The following NSD1 variants were observed in gnomAD, a reference collection of about 807,000 sequenced individuals.
NSD1 encodes histone-lysine N-methyltransferase, H3 lysine-36 specific.
A neutral mutation model predicts 242.7 loss-of-function variants in NSD1; 26 were observed. That is an observed-to-expected ratio of 0.11 (90% CI 0.08 to 0.15). The LOEUF is 0.15. NSD1 is among the 10% of genes least tolerant of loss of function. The pLI is 1.00. For missense variants in NSD1, 2,495 were observed against 3,272.8 expected (o/e 0.76, Z 5.80); for synonymous variants, 1,106 against 1,178.1 (o/e 0.94, Z 1.25).
At chr5:177,160,469 T>G (rs1277009049) in intron 2 of NSD1, among the ~76,000 whole-genome samples, 1 of 151,266 alleles carries the variant, frequency 6.6e-6, no homozygotes, top group Non-Finnish European at 1.5e-5. Flanking sequence ...CCCGGCTGAT[T>G]TTTTTGTATT....
Position 177,265,882 on chromosome 5 carries a change from C to T in NSD1, c.5147-1680C>T, listed in dbSNP as rs920871405. Reference sequence around the variant, plus strand: ...CATTCTGCTTCACTTGCAGGCAGAACGGGGAGGTGAAGGTCAGGTCTTCCA... The same window carrying T: ...CATTCTGCTTCACTTGCAGGCAGAATGGGGAGGTGAAGGTCAGGTCTTCCA... On this transcript the variant is annotated intron_variant, in intron 14 of 22. Coordinates refer to ENST00000439151, the MANE Select transcript of NSD1 (RefSeq NM_022455.5). 3.0e-5 allele frequency: 45 copies of T among 1,476,186 alleles called. 1 individual carries two copies. The South Asian group carries it at 4.3e-4, about 14-fold the overall frequency. 91.4% of individuals were successfully genotyped at this position (1,476,186 alleles called of 1,614,324 possible).
intron 12 of NSD1, among the ~76,000 whole-genome samples, chr5:177,255,780 T>G (rs1756388800): frequency 6.6e-6 from 1 of 152,108 alleles, no homozygotes; most frequent in African/African-American, 2.4e-5. Context: ...AGACGGTGTC[T>G]CACTATGTTC....
rs755079496 is a variant in NSD1 at position 177,238,546 on chromosome 5, G to T, written c.4192+39G>T. 1.0e-5 allele frequency: 16 copies of T among 1,604,062 alleles called. No individual in the cohort carries two copies. The South Asian group carries it at 1.8e-4, about 18-fold the overall frequency. ...GGGGTCTCAGTATTTGAGCAGATAT[G>T]ATTAGAGGAAGCAGGAGATTTTAGT... On this transcript the variant is annotated intron_variant, in intron 7 of 22. Transcript: ENST00000439151. This position sits in a 1 kb window ranked among gnomAD's most constrained non-coding sequence, Gnocchi z 4.6.
chr5:177,196,876 A>G (rs1762137813), intron 3 of NSD1, among the ~76,000 whole-genome samples: 1 of 152,228 alleles, frequency 6.6e-6, no homozygotes, highest in Non-Finnish European at 1.5e-5. Flanking sequence ...GATATGTTCT[A>G]AGATTCTCAG....
chr5:177,215,273 G>T (rs1011969259), intron 5 of NSD1, among the ~76,000 whole-genome samples: 4 of 150,886 alleles, frequency 2.7e-5, no homozygotes, highest in African/African-American at 9.8e-5. Context: ...TCTGCCTCCT[G>T]GGCTCAAGCA....
At chr5:177,159,750 G>A (rs1039532384) in intron 2 of NSD1, among the ~76,000 whole-genome samples, 2 of 151,486 alleles carry the variant, frequency 1.3e-5, no homozygotes, top group African/African-American at 4.9e-5. Flanking sequence ...ATACCACCAC[G>A]CCTGGCTAAT....
In NSD1 at chr5:177,238,466, G is replaced by A. The variant is rs373227291; in HGVS notation, c.4151G>A (p.Arg1384Gln). 6.8e-6 allele frequency: 11 copies of A among 1,614,042 alleles called. No homozygotes were observed. Among genetic ancestry groups the A allele is most frequent in the South Asian group, 4.4e-5 (4 of 91,074 alleles). The change falls in exon 7 of 23, where the codon CGG (arginine) becomes CAG (glutamine). Residue 1384 changes from arginine to glutamine, a missense_variant. Around this residue, in one of 19 missense-constraint regions of NSD1, gnomAD observed 100 missense variants for 190.7 expected, o/e 0.52. Transcript: ENST00000439151. The surrounding 1 kb of genome is among the most constrained non-coding windows in gnomAD (Gnocchi z 4.6). ...SVPVAPEVSP[R>Q]PALESEELLV... ...CCTGTGGCTCCGGAAGTCTCTCCAC[G>A]GCCTGCCCTTGAGTCTGAGGAATTG...
intron 15 of NSD1, 74 bp downstream of exon 15, chr5:177,267,792 C>A: frequency 7.0e-7 from 1 of 1,423,786 alleles, no homozygotes; most frequent in Non-Finnish European, 9.9e-7. Flanking sequence ...CAATGCTTAA[C>A]GTATTTCTAA....
chr5:177,187,412 T>TA (rs1037513548), intron 2 of NSD1, among the ~76,000 whole-genome samples: 16 of 152,172 alleles, frequency 1.1e-4, no homozygotes, highest in African/African-American at 3.9e-4. Flanking sequence ...GCCTGTGACT[T>TA]AACCTTTTTG....
chr5:177,286,497 C>T (rs78090315), intron 20 of NSD1, among the ~76,000 whole-genome samples: 2,784 of 152,244 alleles, frequency 0.018, 33 homozygotes, highest in Non-Finnish European at 0.028. Flanking sequence ...ATAAATGATA[C>T]GGAATACCAG....
rs376906695 is a variant in NSD1, at chr5:177,260,185, T to C, written c.5146+17T>C. 1 of 1,612,078 alleles carries C rather than the reference T, an allele frequency of 6.2e-7. No homozygotes were observed. The highest frequency in any genetic ancestry group is 2.2e-5 in the East Asian group (1 of 44,872). Reference sequence around the variant, plus strand: ...GCTCAGAAGGTAAGAAATCATTTCTTCCTCTATTTGTAGTCTAAAAAGGGA... The same window carrying C: ...GCTCAGAAGGTAAGAAATCATTTCTCCCTCTATTTGTAGTCTAAAAAGGGA... On this transcript the variant is annotated intron_variant, in intron 14 of 22. Coordinates refer to ENST00000439151, the MANE Select transcript of NSD1 (RefSeq NM_022455.5).
chr5:177,211,403 A>G lies in NSD1; in HGVS notation c.3004A>G (p.Lys1002Glu). The stretch of plus-strand genomic sequence containing the variant: ...TTCCCTACCTGGCTTACTGTCCGAC[A>G]AGAGAGACCTCCCTGCTTCTGGTAA... ...SASLPGLLSD[K>E]RDLPASGKSR... Residue 1002 changes from lysine to glutamate, a missense_variant, in exon 5 of 23, where the codon AAG becomes GAG. Around this residue, in one of 19 missense-constraint regions of NSD1, gnomAD observed 426 missense variants for 411.4 expected, o/e 1.04. Transcript: ENST00000439151. The G allele has an allele frequency of 6.2e-7, 1 of 1,614,142 alleles. No homozygotes were observed. Among genetic ancestry groups the G allele is most frequent in the Middle Eastern group, 1.6e-4 (1 of 6,062 alleles).
At chr5:177,206,200 A>G (rs892940505) in intron 4 of NSD1, among the ~76,000 whole-genome samples, 15 of 152,238 alleles carry the variant, frequency 9.9e-5, no homozygotes, top group Admixed American at 8.5e-4. Flanking sequence ...GGGTTTCACC[A>G]TGTTGGCCAG....
At chr5:177,166,803 G>A (rs1759244383) in intron 2 of NSD1, among the ~76,000 whole-genome samples, 1 of 148,884 alleles carries the variant, frequency 6.7e-6, no homozygotes, top group African/African-American at 2.5e-5. Context: ...CTGTAGTGGC[G>A]CGATCTCGGC....
At position 177,296,039 on chromosome 5, in the gene NSD1, T is replaced by G. The variant is rs1225927760; in HGVS notation, c.*580T>G. 3.8e-6 allele frequency: 1 copy of G among 260,094 alleles called. No homozygotes were observed. The highest frequency in any genetic ancestry group is 2.2e-5 in the African/African-American group (1 of 45,798). The allele number at this position is 260,094 out of a possible 1,614,324, so 16.1% of individuals were successfully genotyped here. A position where few individuals can be genotyped will look rare whatever the true frequency, so the allele number is the denominator to read the frequency against. ...GGAAGTTCTGAGGGGCCCTGGGGCT[T>G]TAGACTCATTTTGAAATGTCCTTTG... is the stretch of plus-strand genomic sequence containing the variant. On this transcript the variant is annotated 3_prime_UTR_variant, in exon 23 of 23. Transcript: ENST00000439151.
chr5:177,175,557 A>T (rs1438424634), intron 2 of NSD1, among the ~76,000 whole-genome samples: 1 of 152,072 alleles, frequency 6.6e-6, no homozygotes, highest in Non-Finnish European at 1.5e-5. Flanking sequence ...TGAGCTCAAT[A>T]GGTATAATTT....
chr5:177,249,326 TC>T, intron 11 of NSD1, among the ~76,000 whole-genome samples: 1 of 152,142 alleles, frequency 6.6e-6, no homozygotes, highest in Non-Finnish European at 1.5e-5. Flanking sequence ...AAAAAATTTG[TC>T]TTTTTTTTAA....
At chr5:177,203,992 G>T in intron 3 of NSD1, 128 bp from the exon 4 acceptor site, 1 of 894,196 alleles carries the variant, frequency 1.1e-6, no homozygotes, top group Non-Finnish European at 1.9e-6. Flanking sequence ...ATTCTAGGTT[G>T]TCTAGTTCAG....
intron 14 of NSD1, among the ~76,000 whole-genome samples, chr5:177,266,920 A>C (rs1338944307): frequency 6.6e-6 from 1 of 152,208 alleles, no homozygotes; most frequent in African/African-American, 2.4e-5. Context: ...GCTGGAGTGC[A>C]GTGGTGCTGT....
Sources: allele counts gnomAD v4.1 joint callset (sites outside exome capture counted in the v4.1 genomes callset), GRCh38; gene constraint gnomAD v4.1.1; regional missense constraint gnomAD v4.1.1; non-coding constraint Gnocchi (gnomAD v3.1); transcripts MANE v1.5; gene names NCBI Gene and HGNC (gene_info 2026-07-23, HGNC 2026-07-21).